LDB2: variants seen among roughly 807,000 people sequenced by gnomAD.
LDB2 encodes the protein LIM domain binding 2.
LDB2 carries 12 observed loss-of-function variants against 44.3 expected under a neutral mutation model. The observed-to-expected ratio is 0.27, with a 90% CI of 0.17 to 0.44. The LOEUF (loss-of-function observed/expected upper bound fraction) is 0.44, where lower values mean the gene tolerates loss of function less well. Among genes scored for constraint, LDB2 ranks in the 20% least tolerant of loss-of-function variants. The pLI is 1.00. For synonymous variants in LDB2, 164 were observed against 174.8 expected, an observed-to-expected ratio of 0.94 and a Z score of 0.49; for missense variants, 344 against 473.5, an observed-to-expected ratio of 0.73 and a Z score of 2.54.
At chr4:16,654,661 A>T (rs1001075890) in intron 2 of LDB2, among the ~76,000 whole-genome samples, 1 of 152,228 alleles carries the variant, frequency 6.6e-6, no homozygotes, top group African/African-American at 2.4e-5. Context: ...TGCTATCTTA[A>T]GAGATAAATG....
chr4:16,677,499 A>AT (rs1300313486), intron 2 of LDB2, among the ~76,000 whole-genome samples: 6 of 152,208 alleles, frequency 3.9e-5, no homozygotes, highest in Non-Finnish European at 8.8e-5. Flanking sequence ...GAAGAACTGG[A>AT]TTACAATCCA....
At chr4:16,663,540 C>T (rs562545455) in intron 2 of LDB2, among the ~76,000 whole-genome samples, 1 of 152,292 alleles carries the variant, frequency 6.6e-6, no homozygotes, top group South Asian at 2.1e-4. Flanking sequence ...ACCTTGATGA[C>T]ATGTGCAAAT....
rs188612703 is a variant in LDB2 at position 16,636,117 on chromosome 4, A to G, written c.236-40242T>C. Among the ~76,000 whole-genome samples the G allele has an allele frequency of 7.4e-3, 1,124 of 152,246 alleles. 11 individuals carry two copies. The highest frequency in any genetic ancestry group is 0.012 in the Admixed American group (177 of 15,286). ...AAAACACCACCACAAATTACTAAAG[A>G]CCCAGTTGAGTTACACTGGGGCAAA... is the stretch of plus-strand genomic sequence containing the variant. On this transcript the variant is annotated intron_variant, in intron 2 of 7. Transcript: ENST00000304523.
intron 1 of LDB2, among the ~76,000 whole-genome samples, chr4:16,772,992 G>A (rs192983509): frequency 9.2e-5 from 14 of 152,310 alleles, no homozygotes; most frequent in African/African-American, 2.2e-4. Context: ...CGGCATTGCC[G>A]GGTAGTGAGG....
At chr4:16,810,473 A>T (rs181507742) in intron 1 of LDB2, among the ~76,000 whole-genome samples, 1 of 152,322 alleles carries the variant, frequency 6.6e-6, no homozygotes, top group East Asian at 1.9e-4. Flanking sequence ...TTGAGGGAAG[A>T]TAAGGGTAGT....
At chr4:16,692,179 T>C (rs1750935084) in intron 2 of LDB2, among the ~76,000 whole-genome samples, 1 of 152,164 alleles carries the variant, frequency 6.6e-6, no homozygotes, top group African/African-American at 2.4e-5. Context: ...ATGTGAGTAT[T>C]AGGACATCAA....
intron 2 of LDB2, among the ~76,000 whole-genome samples, chr4:16,754,525 A>ATTTTTTTTT (rs1237200033): frequency 1.4e-5 from 2 of 140,938 alleles, no homozygotes; most frequent in African/African-American, 2.6e-5. Flanking sequence ...TGATGGCAGT[A>ATTTTTTTTT]TTTTTTTTTT....
At chr4:16,874,283 G>A (rs963654498) in intron 1 of LDB2, among the ~76,000 whole-genome samples, 13 of 152,046 alleles carry the variant, frequency 8.6e-5, no homozygotes, top group African/African-American at 3.1e-4. Flanking sequence ...ATTTTAAAGT[G>A]AGAAAGAAGG....
chr4:16,878,749 C>A (rs1479998714), intron 1 of LDB2, among the ~76,000 whole-genome samples: 4 of 152,218 alleles, frequency 2.6e-5, no homozygotes, highest in Admixed American at 2.6e-4. Context: ...GCTACAGGGC[C>A]TTTGTGCTTA....
intron 2 of LDB2, among the ~76,000 whole-genome samples, chr4:16,640,447 G>A (rs1486772906): frequency 6.6e-6 from 1 of 152,118 alleles, no homozygotes; most frequent in Non-Finnish European, 1.5e-5. Flanking sequence ...TGACTTTTTA[G>A]GAGGAGGAAT....
chr4:16,800,877 G>A lies in LDB2; in HGVS notation c.133-41617C>T, dbSNP rs372352100. Among the ~76,000 whole-genome samples, 244 of 152,248 alleles carry A rather than the reference G, an allele frequency of 1.6e-3. 1 individual carries two copies. The highest frequency in any genetic ancestry group is 5.3e-3 in the African/African-American group (219 of 41,546). Reference sequence around the variant, plus strand: ...TTTTTACTAGAGACAGGGTTTCACCGTGTTAGCCAGGATGGTCTCGATCTC... The same window carrying A: ...TTTTTACTAGAGACAGGGTTTCACCATGTTAGCCAGGATGGTCTCGATCTC... On this transcript the variant is annotated intron_variant, in intron 1 of 7. Coordinates refer to ENST00000304523, the MANE Select transcript of LDB2 (RefSeq NM_001290.5).
chr4:16,796,713 G>C (rs772925987), intron 1 of LDB2, among the ~76,000 whole-genome samples: 1 of 152,168 alleles, frequency 6.6e-6, no homozygotes, highest in Non-Finnish European at 1.5e-5. Flanking sequence ...AGTCAGCCAG[G>C]TGATCAAGCT....
chr4:16,599,798 G>A (rs1369923554), intron 2 of LDB2, among the ~76,000 whole-genome samples: 1 of 152,188 alleles, frequency 6.6e-6, no homozygotes, highest in Non-Finnish European at 1.5e-5. Flanking sequence ...ACTGAACCTG[G>A]AGTAGGTATA....
intron 1 of LDB2, among the ~76,000 whole-genome samples, chr4:16,821,382 T>TTA (rs1554036926): frequency 9.2e-5 from 2 of 21,664 alleles, no homozygotes; most frequent in African/African-American, 1.7e-4. Context: ...TTGAATTTTT[T>TTA]TTTTATTTTT....
chr4:16,698,912 T>C (rs1752806031), intron 2 of LDB2, among the ~76,000 whole-genome samples: 1 of 152,222 alleles, frequency 6.6e-6, no homozygotes, highest in Non-Finnish European at 1.5e-5. Context: ...ATCAAAGGTC[T>C]TTTGAAGAAA....
At chr4:16,594,855 T>C (rs1277497223) in intron 3 of LDB2, among the ~76,000 whole-genome samples, 2 of 152,198 alleles carry the variant, frequency 1.3e-5, no homozygotes, top group Non-Finnish European at 2.9e-5. Flanking sequence ...TGAGTCTTAG[T>C]CAAAATGCAG....
intron 2 of LDB2, among the ~76,000 whole-genome samples, chr4:16,746,191 G>C (rs1439678580): frequency 6.6e-6 from 1 of 152,148 alleles, no homozygotes; most frequent in Non-Finnish European, 1.5e-5. Flanking sequence ...AGATGGTCCT[G>C]ATTTATGAAA....
At chr4:16,797,024 ATGAAAAAAC>A (rs1242413815) in intron 1 of LDB2, among the ~76,000 whole-genome samples, 1 of 152,232 alleles carries the variant, frequency 6.6e-6, no homozygotes. Flanking sequence ...TGAAAATATT[ATGAAAAAAC>A]TGAAGAAATC....
chr4:16,595,893 A>C lies in LDB2; in HGVS notation c.236-18T>G. ...GCCGATAGCTGGGAGAGAAACACAG[A>C]GAAACAAACCATTAACAAAAATATC... On this transcript the variant is annotated intron_variant, in intron 2 of 7. Coordinates refer to ENST00000304523, the MANE Select transcript of LDB2 (RefSeq NM_001290.5). 7 of 1,611,452 alleles carry C rather than the reference A, an allele frequency of 4.3e-6. No homozygotes were observed. The highest frequency in any genetic ancestry group is 5.9e-6 in the Non-Finnish European group (7 of 1,178,384).
Sources: gnomAD v4.1 joint callset for allele counts (sites outside exome capture counted in the v4.1 genomes callset) on GRCh38, gnomAD v4.1.1 for gene constraint, MANE v1.5 for transcripts, NCBI Gene and HGNC (gene_info 2026-07-23, HGNC 2026-07-21) for gene names.